Variants in SLC4A8 observed in about 807,000 individuals in gnomAD.
The protein encoded by SLC4A8 is electroneutral sodium bicarbonate exchanger 1.
In SLC4A8, 40 loss-of-function variants were observed where a neutral mutation model predicts 125.0. The ratio of observed to expected loss-of-function variants is 0.32; its 90% CI spans 0.25 to 0.42. The LOEUF (loss-of-function observed/expected upper bound fraction) is 0.42, where lower values mean the gene tolerates loss of function less well. Among genes scored for constraint, SLC4A8 ranks in the 10% least tolerant of loss-of-function variants. The pLI, the probability that SLC4A8 is intolerant of heterozygous loss-of-function variation, is 1.00. For missense variants in SLC4A8, 863 were observed against 1,355.1 expected (o/e 0.64, Z 5.70); for synonymous variants, 456 against 476.0 (o/e 0.96, Z 0.55).
At chr12:51,483,836 C>G (rs370415393) in intron 16 of SLC4A8, among the ~76,000 whole-genome samples, 5 of 151,980 alleles carry the variant, frequency 3.3e-5, no homozygotes, top group East Asian at 1.9e-4. Flanking sequence ...TGTGCTGCAC[C>G]CATTACCTCA....
chr12:51,480,979 A>C (rs1305030914), intron 16 of SLC4A8, among the ~76,000 whole-genome samples: 1 of 152,132 alleles, frequency 6.6e-6, no homozygotes, highest in Non-Finnish European at 1.5e-5. Flanking sequence ...CTCCACTTTT[A>C]AGTGTGATAG....
At chr12:51,485,501 A>G (rs1459115682) in intron 16 of SLC4A8, among the ~76,000 whole-genome samples, 2 of 152,228 alleles carry the variant, frequency 1.3e-5, no homozygotes, top group African/African-American at 4.8e-5. Context: ...CCAAGTTCTC[A>G]GAACTAGAGT....
At chr12:51,447,084 A>ATCTG (rs2138162180) in intron 2 of SLC4A8, among the ~76,000 whole-genome samples, 1 of 152,158 alleles carries the variant, frequency 6.6e-6, no homozygotes, top group African/African-American at 2.4e-5. Flanking sequence ...CTATCTATCT[A>ATCTG]TCTATCTAGA....
At chr12:51,427,562 G>C (rs373368332) in intron 1 of SLC4A8, among the ~76,000 whole-genome samples, 11 of 152,258 alleles carry the variant, frequency 7.2e-5, no homozygotes, top group African/African-American at 2.6e-4. Context: ...GAGAGATAGG[G>C]AGGAAAAGAG....
rs193148254 is a variant in SLC4A8, at chr12:51,493,883, T to C, written c.2769+111T>C. 1,031 of 773,012 alleles carry C rather than the reference T, an allele frequency of 1.3e-3. 9 individuals are homozygous for C. In the Admixed American group the frequency reaches 0.018, roughly 13 times the overall value. 47.9% of individuals were successfully genotyped at this position (773,012 alleles called of 1,614,324 possible). On this transcript the variant is annotated intron_variant, in intron 20 of 24. Transcript: ENST00000453097. ...ACAACCAGTTCTTGAGAAAATTGTT[T>C]CCTAGTCTTGCCACTTAGGCTATTT...
At chr12:51,490,874 T>C (rs1951296974) in intron 19 of SLC4A8, among the ~76,000 whole-genome samples, 1 of 151,970 alleles carries the variant, frequency 6.6e-6, no homozygotes, top group Admixed American at 6.5e-5. Context: ...CTGGCTGAGG[T>C]CTAGGGAAGA....
intron 19 of SLC4A8, among the ~76,000 whole-genome samples, chr12:51,492,419 A>C (rs1416915469): frequency 6.6e-6 from 1 of 151,598 alleles, no homozygotes; most frequent in Admixed American, 6.6e-5. Flanking sequence ...CCCCTTTCCC[A>C]CCTCATATTC....
chr12:51,504,218 A>G (rs1164150517), intron 23 of SLC4A8, 98 bp downstream of exon 23: 1 of 738,858 alleles, frequency 1.4e-6, no homozygotes, highest in Admixed American at 2.4e-5. Context: ...CTGCTGGCAT[A>G]AAGAGCTAAA....
Position 51,395,603 on chromosome 12 carries a change from G to C in SLC4A8, c.-112+4115G>C, listed in dbSNP as rs145783363. ...CCACCTCTGGTGGGGCAGAGTGAGG[G>C]AGACCTGCCCTTCAGGGGGAGGTGC... On this transcript the variant is annotated intron_variant, in intron 1 of 24. Coordinates refer to the SLC4A8 transcript ENST00000358657. 2.0e-5 allele frequency among the ~76,000 whole-genome samples: 3 copies of C among 152,316 alleles called. No homozygotes were observed. The East Asian group carries it at 5.8e-4, about 29-fold the overall frequency.
intron 10 of SLC4A8, 65 bp from the exon 11 acceptor site, chr12:51,463,549 C>G: frequency 7.9e-7 from 1 of 1,270,900 alleles, no homozygotes; most frequent in Non-Finnish European, 1.1e-6. Flanking sequence ...ATTCCCACTC[C>G]CTGCTGATAG....
rs1207581216 is a variant in SLC4A8 at position 51,513,817 on chromosome 12, C to G, written c.*6379C>G. The G allele has an allele frequency of 6.6e-6, 1 of 152,206 alleles. No homozygotes were observed. Among genetic ancestry groups the G allele is most frequent in the Non-Finnish European group, 1.5e-5 (1 of 68,038 alleles). The allele number at this position is 152,206 out of a possible 1,614,324, so 9.4% of individuals were successfully genotyped here. ...ATTCTGGTATGTGCTAAGTCCCAGGCTTGGTTGATATCTCAGACTATGATA... is the reference window on the plus strand; with the variant it reads ...ATTCTGGTATGTGCTAAGTCCCAGGGTTGGTTGATATCTCAGACTATGATA... On this transcript the variant is annotated 3_prime_UTR_variant, in exon 25 of 25. Transcript: ENST00000453097.
At chr12:51,491,697 C>T (rs536232892) in intron 19 of SLC4A8, among the ~76,000 whole-genome samples, 44 of 151,728 alleles carry the variant, frequency 2.9e-4, no homozygotes, top group African/African-American at 1.0e-3. Flanking sequence ...AATTACAGGC[C>T]TCCATGTCTG....
intron 2 of SLC4A8, among the ~76,000 whole-genome samples, chr12:51,449,845 G>C (rs539728071): frequency 6.6e-6 from 1 of 152,114 alleles, no homozygotes; most frequent in African/African-American, 2.4e-5. Flanking sequence ...CTTGGGCAAC[G>C]TGGCGAGACC....
At chr12:51,419,296 G>T (rs376534961) in intron 1 of SLC4A8, among the ~76,000 whole-genome samples, 37 of 152,302 alleles carry the variant, frequency 2.4e-4, no homozygotes, top group African/African-American at 8.4e-4. Context: ...TATTGAATTT[G>T]CTGCCACCTT....
intron 19 of SLC4A8, among the ~76,000 whole-genome samples, chr12:51,490,522 C>T (rs1049630748): frequency 5.5e-5 from 8 of 145,414 alleles, no homozygotes; most frequent in East Asian, 2.0e-4. Context: ...GAGATCATGC[C>T]ACTGCACTCC....
chr12:51,465,400 G>A (rs1950481996), intron 11 of SLC4A8, among the ~76,000 whole-genome samples: 1 of 152,096 alleles, frequency 6.6e-6, no homozygotes, highest in African/African-American at 2.4e-5. Flanking sequence ...GTGAGAGGTG[G>A]TCACTTATAA....
Position 51,495,014 on chromosome 12 carries a change from G to A in SLC4A8, c.2839G>A (p.Val947Met). The A allele has an allele frequency of 1.2e-6, 2 of 1,614,124 alleles. No individual in the cohort carries two copies. The highest frequency in any genetic ancestry group is 1.7e-6 in the Non-Finnish European group (2 of 1,179,922). Residue 947 changes from valine to methionine, a missense_variant, in exon 21 of 25, where the codon GTG becomes ATG. Physicochemically the swap from Val to Met is conservative, Grantham distance 21. This residue lies in a region of SLC4A8 where 197 missense variants were observed against 377.7 expected (regional missense o/e 0.52). Coordinates refer to ENST00000453097, the MANE Select transcript of SLC4A8 (RefSeq NM_001039960.3). ...GCCAGATTTCATCTACCTGCGGCAT[G>A]TGCCGCTGCGCAAAGTGCACCTCTT... ...HQPDFIYLRH[V>M]PLRKVHLFTL...
At chr12:51,450,655 C>A in intron 2 of SLC4A8, 1 of 533,590 alleles carries the variant, frequency 1.9e-6, no homozygotes, top group Non-Finnish European at 3.3e-6. Context: ...TCACAAGATC[C>A]CTGTGAAGTT....
intron 16 of SLC4A8, among the ~76,000 whole-genome samples, chr12:51,485,412 G>A (rs910291751): frequency 6.6e-6 from 1 of 152,042 alleles, no homozygotes; most frequent in Non-Finnish European, 1.5e-5. Context: ...CTGGCTATTG[G>A]GTATGAGGGA....
Sources: gnomAD v4.1 joint callset for allele counts (sites outside exome capture counted in the v4.1 genomes callset) on GRCh38, gnomAD v4.1.1 for gene constraint, gnomAD v4.1.1 regional missense constraint, MANE v1.5 for transcripts, NCBI Gene and HGNC (gene_info 2026-07-23, HGNC 2026-07-21) for gene names.